The following SYT16 variants were observed in gnomAD, a reference collection of about 807,000 sequenced individuals.
SYT16 encodes the protein synaptotagmin 16.
A neutral mutation model predicts 61.4 loss-of-function variants in SYT16; 42 were observed. That is an observed-to-expected ratio of 0.68 (90% CI 0.53 to 0.89). SYT16 has a LOEUF of 0.89. Among genes scored for constraint, SYT16 ranks in the 40% least tolerant of loss-of-function variants. SYT16 has a pLI of 0.00. For missense variants in SYT16, 804 were observed against 807.3 expected (o/e 1.00, Z 0.05); for synonymous variants, 314 against 302.3 (o/e 1.04, Z -0.40).
intron 3 of SYT16, among the ~76,000 whole-genome samples, chr14:62,044,223 G>A (rs149300637): frequency 1.3e-5 from 2 of 151,046 alleles, no homozygotes; most frequent in Non-Finnish European, 3.0e-5. Flanking sequence ...AATAGGAAAC[G>A]AAAGAGAAAT....
At chr14:62,039,573 A>T (rs2054635034) in intron 3 of SYT16, among the ~76,000 whole-genome samples, 1 of 152,170 alleles carries the variant, frequency 6.6e-6, no homozygotes. Context: ...AGAAGACATC[A>T]CAAGATGATA....
At chr14:61,997,035 A>G (rs1460260205) in intron 3 of SYT16, among the ~76,000 whole-genome samples, 3 of 152,100 alleles carry the variant, frequency 2.0e-5, no homozygotes, top group Non-Finnish European at 4.4e-5. Context: ...AATCTCTGAA[A>G]TAAGAATAGC....
At chr14:61,819,947 C>T (rs888289358) in intron 1 of SYT16, among the ~76,000 whole-genome samples, 2 of 152,204 alleles carry the variant, frequency 1.3e-5, no homozygotes, top group African/African-American at 4.8e-5. Flanking sequence ...TGTCCCTTTA[C>T]CTGCTACAAG....
chr14:61,916,960 T>C (rs1039801605), intron 1 of SYT16, among the ~76,000 whole-genome samples: 3 of 152,204 alleles, frequency 2.0e-5, no homozygotes, highest in Non-Finnish European at 2.9e-5. Context: ...ATTGTGTATA[T>C]ATGACACATT....
rs1333034525 is a variant in SYT16, at chr14:62,108,350, G to A, written c.*7643G>A. On this transcript the variant is annotated 3_prime_UTR_variant, in exon 8 of 8. Coordinates refer to ENST00000683842, the MANE Select transcript of SYT16 (RefSeq NM_001367656.1). ...CAGTTGATAGTCCATAATAAAAAAT[G>A]TACATATCTTGTTTAAAAAAGACCT... is the stretch of plus-strand genomic sequence containing the variant. 6.6e-6 allele frequency: 1 copy of A among 152,164 alleles called. No individual in the cohort carries two copies. The highest frequency in any genetic ancestry group is 1.5e-5 in the Non-Finnish European group (1 of 68,026). The allele number at this position is 152,164 out of a possible 1,614,324, so 9.4% of individuals were successfully genotyped here. A position where few individuals can be genotyped will look rare whatever the true frequency, so the allele number is the denominator to read the frequency against.
chr14:61,997,451 A>G (rs933241455), intron 3 of SYT16, among the ~76,000 whole-genome samples: 1 of 151,980 alleles, frequency 6.6e-6, no homozygotes, highest in Non-Finnish European at 1.5e-5. Context: ...CCCTTCATTC[A>G]TTTTCCATGA....
At chr14:61,870,864 TA>T (rs1414058059) in intron 1 of SYT16, among the ~76,000 whole-genome samples, 1 of 152,236 alleles carries the variant, frequency 6.6e-6, no homozygotes, top group East Asian at 1.9e-4. Flanking sequence ...CCGTTTTAAC[TA>T]CCTTGCCTAA....
At chr14:61,896,210 C>A (rs969104138) in intron 1 of SYT16, among the ~76,000 whole-genome samples, 9 of 152,008 alleles carry the variant, frequency 5.9e-5, no homozygotes, top group African/African-American at 1.9e-4. Flanking sequence ...TGGGCAAGAA[C>A]CCCCATACGT....
At chr14:61,930,727 T>C (rs6573406) in intron 1 of SYT16, among the ~76,000 whole-genome samples, 20,652 of 151,722 alleles carry the variant, frequency 0.14, 2,054 homozygotes, top group African/African-American at 0.27. Flanking sequence ...GTGGGACCAA[T>C]ATAATTACGA....
rs2046776057 is a variant in SYT16, at chr14:61,856,398, A to G, written c.-325+43588A>G. ...AGATATACACACACTTATCTCCAAT[A>G]TAATATTTTATACATATGCACATAT... On this transcript the variant is annotated intron_variant, in intron 1 of 7. Coordinates refer to ENST00000683842, the MANE Select transcript of SYT16 (RefSeq NM_001367656.1). Among the ~76,000 whole-genome samples, 3 of 152,342 alleles carry G rather than the reference A, an allele frequency of 2.0e-5. No individual in the cohort carries two copies. In the South Asian group the frequency reaches 6.2e-4, roughly 32 times the overall value.
intron 1 of SYT16, among the ~76,000 whole-genome samples, chr14:61,952,043 C>T (rs2050693157): frequency 6.6e-6 from 1 of 152,140 alleles, no homozygotes; most frequent in South Asian, 2.1e-4. Context: ...CTGCCTCAGC[C>T]TCACAAAGTG....
Position 61,898,306 on chromosome 14 carries a change from A to T in SYT16, c.-324-71826A>T, listed in dbSNP as rs554415938. On this transcript the variant is annotated intron_variant, in intron 1 of 7. Transcript: ENST00000683842. Reference sequence around the variant, plus strand: ...AGTAGATATAGACCTTTTAACCAGGAAAAGAGAGAAGAGAGGTAGACGAGG... The same window carrying T: ...AGTAGATATAGACCTTTTAACCAGGTAAAGAGAGAAGAGAGGTAGACGAGG... Among the ~76,000 whole-genome samples, 36 of 152,278 alleles carry T rather than the reference A, an allele frequency of 2.4e-4. 1 individual carries two copies. The South Asian group carries it at 6.9e-3, about 29-fold the overall frequency.
chr14:61,823,677 G>T (rs891268962), intron 1 of SYT16, among the ~76,000 whole-genome samples: 1 of 152,068 alleles, frequency 6.6e-6, no homozygotes, highest in Non-Finnish European at 1.5e-5. Flanking sequence ...GCTTGAGCCT[G>T]GGAGGTGAAG....
At chr14:61,902,763 A>G (rs2048567897) in intron 1 of SYT16, among the ~76,000 whole-genome samples, 1 of 152,206 alleles carries the variant, frequency 6.6e-6, no homozygotes, top group South Asian at 2.1e-4. Context: ...CCTCACCATC[A>G]TGGCAGAAGG....
intron 3 of SYT16, among the ~76,000 whole-genome samples, chr14:62,013,735 G>A (rs2053555967): frequency 1.3e-5 from 2 of 152,270 alleles, no homozygotes; most frequent in African/African-American, 2.4e-5. Flanking sequence ...GGAGACCGAG[G>A]CAGGCAGATC....
chr14:62,015,716 C>T (rs2053645189), intron 3 of SYT16, among the ~76,000 whole-genome samples: 1 of 152,144 alleles, frequency 6.6e-6, no homozygotes, highest in African/African-American at 2.4e-5. Flanking sequence ...TGTGAGGACA[C>T]AGTGAGAAGA....
intron 1 of SYT16, among the ~76,000 whole-genome samples, chr14:61,892,857 GGC>G (rs1441654203): frequency 6.6e-6 from 1 of 152,110 alleles, no homozygotes; most frequent in Non-Finnish European, 1.5e-5. Flanking sequence ...GGTTGGTAGT[GGC>G]TGTAACAAAC....
chr14:62,080,414 C>T (rs1463603808), intron 5 of SYT16, among the ~76,000 whole-genome samples: 1 of 152,176 alleles, frequency 6.6e-6, no homozygotes, highest in Non-Finnish European at 1.5e-5. Context: ...AAAGCTCTTG[C>T]CTGTGGAGAA....
At chr14:61,921,263 G>A (rs2049324237) in intron 1 of SYT16, among the ~76,000 whole-genome samples, 4 of 152,246 alleles carry the variant, frequency 2.6e-5, no homozygotes, top group Admixed American at 1.3e-4. Flanking sequence ...CTGCAGCAGT[G>A]GGTTCTTTTA....
Sources: gnomAD v4.1 joint callset for allele counts (sites outside exome capture counted in the v4.1 genomes callset) on GRCh38, gnomAD v4.1.1 for gene constraint, MANE v1.5 for transcripts, NCBI Gene and HGNC (gene_info 2026-07-23, HGNC 2026-07-21) for gene names.